Variants in RB1 observed in about 807,000 individuals in gnomAD.
RB1 encodes the protein retinoblastoma-associated protein.
A neutral mutation model predicts 135.4 loss-of-function variants in RB1; 18 were observed. That is an observed-to-expected ratio of 0.13 (90% CI 0.09 to 0.20). The LOEUF (loss-of-function observed/expected upper bound fraction) is 0.20, where lower values mean the gene tolerates loss of function less well. Ranked by LOEUF, RB1 falls within the 10% of genes least tolerant of loss-of-function variation. The pLI, the probability that RB1 is intolerant of heterozygous loss-of-function variation, is 1.00. For missense variants in RB1, 868 were observed against 1,110.0 expected, an observed-to-expected ratio of 0.78 and a Z score of 3.10; for synonymous variants, 365 against 373.2, an observed-to-expected ratio of 0.98 and a Z score of 0.25.
chr13:48,415,848 T>C (rs1173603092), intron 17 of RB1: 2 of 152,184 alleles, frequency 1.3e-5, no homozygotes, highest in Non-Finnish European at 2.9e-5. Context: ...ATACTGCATT[T>C]TTTCCAGATA....
chr13:48,414,459 T>G (rs551859155), intron 17 of RB1, among the ~76,000 whole-genome samples: 2 of 152,054 alleles, frequency 1.3e-5, no homozygotes, highest in South Asian at 4.1e-4. Flanking sequence ...ATTGAGGATA[T>G]CACAACCTCT....
intron 2 of RB1, among the ~76,000 whole-genome samples, chr13:48,330,544 C>G (rs530242806): frequency 6.6e-6 from 1 of 152,170 alleles, no homozygotes; most frequent in South Asian, 2.1e-4. Context: ...TATATACTAA[C>G]AAATTGGATG....
At chr13:48,449,696 C>T (rs937056880) in intron 17 of RB1, among the ~76,000 whole-genome samples, 7 of 152,090 alleles carry the variant, frequency 4.6e-5, no homozygotes, top group Non-Finnish European at 8.8e-5. Flanking sequence ...TGTGCTCCAG[C>T]ACGGGTGACA....
rs552460839 is a variant in RB1, at chr13:48,367,284, A to G, written c.940-210A>G. Among the ~76,000 whole-genome samples, 93 of 152,276 alleles carry G rather than the reference A, an allele frequency of 6.1e-4. 1 individual carries two copies. Among genetic ancestry groups the G allele is most frequent in the Middle Eastern group, 3.4e-3 (1 of 294 alleles). On this transcript the variant is annotated intron_variant, in intron 9 of 26. Coordinates refer to ENST00000267163, the MANE Select transcript of RB1 (RefSeq NM_000321.3). Reference sequence around the variant, plus strand: ...TTCTAATAAATATTTTCTATGCACGAAATAGACCTAAAATCAAAGTTGAAC... The same window carrying G: ...TTCTAATAAATATTTTCTATGCACGGAATAGACCTAAAATCAAAGTTGAAC...
intron 17 of RB1, among the ~76,000 whole-genome samples, chr13:48,438,982 T>C (rs144063098): frequency 6.6e-6 from 1 of 152,284 alleles, no homozygotes; most frequent in Non-Finnish European, 1.5e-5. Flanking sequence ...GAATGATAGA[T>C]GGAATTGTGG....
intron 6 of RB1, among the ~76,000 whole-genome samples, chr13:48,358,263 T>C (rs1441523611): frequency 1.3e-5 from 2 of 152,172 alleles, no homozygotes; most frequent in African/African-American, 4.8e-5. Flanking sequence ...GTTGTGATTC[T>C]TTTTTGATTT....
intron 17 of RB1, among the ~76,000 whole-genome samples, chr13:48,409,570 A>ATTTTTTTT (rs5803435): frequency 3.4e-5 from 2 of 59,694 alleles, no homozygotes; most frequent in Admixed American, 2.8e-4. Context: ...GAACTGCTTG[A>ATTTTTTTT]TTTTTTTTTT....
At chr13:48,436,340 T>C (rs1949183116) in intron 17 of RB1, among the ~76,000 whole-genome samples, 1 of 152,154 alleles carries the variant, frequency 6.6e-6, no homozygotes, top group African/African-American at 2.4e-5. Context: ...AGGAATAATA[T>C]AGATATAGTT....
intron 17 of RB1, chr13:48,424,007 A>T (rs901721418): frequency 1.2e-4 from 18 of 152,696 alleles, no homozygotes. Context: ...GTCATTTTGC[A>T]TGCAGCAAAT....
At chr13:48,328,522 G>A (rs1041371233) in intron 2 of RB1, 1 of 765,594 alleles carries the variant, frequency 1.3e-6, no homozygotes, top group South Asian at 1.4e-5. Context: ...AGCTCATTGC[G>A]ACTTTTCCGG....
chr13:48,382,694 T>C (rs1352797489), intron 17 of RB1, among the ~76,000 whole-genome samples: 2 of 152,216 alleles, frequency 1.3e-5, no homozygotes, highest in Non-Finnish European at 2.9e-5. Context: ...AGCTCTTTAG[T>C]TTAATTAGAT....
chr13:48,325,713 T>C (rs1952282033), intron 2 of RB1, among the ~76,000 whole-genome samples: 1 of 152,096 alleles, frequency 6.6e-6, no homozygotes, highest in African/African-American at 2.4e-5. Context: ...TTTTTGGGTA[T>C]ATCATAATTT....
intron 26 of RB1, among the ~76,000 whole-genome samples, chr13:48,477,941 G>A (rs1327347046): frequency 1.3e-5 from 2 of 152,114 alleles, no homozygotes; most frequent in Non-Finnish European, 2.9e-5. Flanking sequence ...GTTAGGGTAA[G>A]TGGAATTCTA....
intron 17 of RB1, among the ~76,000 whole-genome samples, chr13:48,389,314 G>A (rs1174939583): frequency 6.6e-6 from 1 of 151,998 alleles, no homozygotes; most frequent in East Asian, 1.9e-4. Flanking sequence ...TGGTGACAGT[G>A]ACAAGGACTG....
intron 24 of RB1, among the ~76,000 whole-genome samples, chr13:48,474,898 AT>A (rs1949494656): frequency 6.6e-6 from 1 of 151,902 alleles, no homozygotes; most frequent in Non-Finnish European, 1.5e-5. Context: ...TATATTTTTA[AT>A]TTTTAAATTT....
intron 5 of RB1, among the ~76,000 whole-genome samples, chr13:48,348,096 A>G (rs1952514360): frequency 6.6e-6 from 1 of 152,032 alleles, no homozygotes; most frequent in Non-Finnish European, 1.5e-5. Flanking sequence ...GATTCAGGAC[A>G]GCATATCACC....
chr13:48,357,468 A>C (rs1262420613), intron 6 of RB1, among the ~76,000 whole-genome samples: 1 of 152,170 alleles, frequency 6.6e-6, no homozygotes, highest in East Asian at 1.9e-4. Flanking sequence ...AATTGGATTT[A>C]TAATAGACGA....
intron 17 of RB1, chr13:48,445,061 T>C (rs989949909): frequency 1.3e-5 from 2 of 152,206 alleles, no homozygotes; most frequent in Non-Finnish European, 2.9e-5. Flanking sequence ...CAAAGTTGTT[T>C]GCTGTCTGGA....
At chr13:48,346,103 T>TG (rs1317999589) in intron 4 of RB1, among the ~76,000 whole-genome samples, 1 of 150,102 alleles carries the variant, frequency 6.7e-6, no homozygotes, top group Non-Finnish European at 1.5e-5. Flanking sequence ...GGCCATCTTT[T>TG]TTTTTTTTTT....
Sources: allele counts gnomAD v4.1 joint callset (sites outside exome capture counted in the v4.1 genomes callset), GRCh38; gene constraint gnomAD v4.1.1; transcripts MANE v1.5; gene names NCBI Gene and HGNC (gene_info 2026-07-23, HGNC 2026-07-21).